Variants in ACYP2 observed in about 807,000 individuals in gnomAD.
The protein encoded by ACYP2 is acylphosphatase-2.
Under a neutral mutation model 11.2 loss-of-function variants are expected in ACYP2, and 12 were observed. The ratio of observed to expected loss-of-function variants is 1.08; its 90% CI spans 0.69 to 1.74. ACYP2 has a LOEUF of 1.74. ACYP2 is among the 40% of genes most tolerant of loss of function. The pLI, the probability that ACYP2 is intolerant of heterozygous loss-of-function variation, is 0.00. For synonymous variants in ACYP2, 43 were observed against 32.2 expected (o/e 1.33, Z -1.13); for missense variants, 134 against 101.9 (o/e 1.31, Z -1.35).
chr2:54,011,419 C>T (rs1673367424), intron 2 of ACYP2, among the ~76,000 whole-genome samples: 1 of 152,144 alleles, frequency 6.6e-6, no homozygotes, highest in Non-Finnish European at 1.5e-5. Context: ...AAAAGTGTCT[C>T]TTGCTTCCAT....
At chr2:54,252,977 G>A (rs192105888) in intron 6 of ACYP2, among the ~76,000 whole-genome samples, 7 of 152,070 alleles carry the variant, frequency 4.6e-5, no homozygotes, top group Non-Finnish European at 7.4e-5. Context: ...CCACTCTTTA[G>A]GCTGAGGCAG....
At position 54,286,942 on chromosome 2, in the gene ACYP2, G is replaced by A. The variant is rs144084345; in HGVS notation, c.405-17746G>A. Among the ~76,000 whole-genome samples, 472 of 152,112 alleles carry A rather than the reference G, an allele frequency of 3.1e-3. 10 individuals carry two copies. Among genetic ancestry groups the A allele is most frequent in the African/African-American group, 0.011 (440 of 41,408 alleles). On this transcript the variant is annotated intron_variant, in intron 6 of 6. Coordinates refer to ENST00000607452, the MANE Select transcript of ACYP2 (RefSeq NM_001320586.2). ...AAAAGCTCCGTAAGTATTTGTGAAT[G>A]AATGACTTAGTAAAGAGTATACTAT...
Position 54,138,694 on chromosome 2 carries a change from G to A in ACYP2, c.350G>A (p.Ser117Asn), listed in dbSNP as rs746773830. 6.2e-7 allele frequency: 1 copy of A among 1,614,102 alleles called. No homozygotes were observed. The highest frequency in any genetic ancestry group is 1.1e-5 in the South Asian group (1 of 91,082). ...GTGGTTGGCTGGGTGAAGAATACCA[G>A]CAAAGGCACCGTGACAGGCCAAGTG... The change falls in exon 6 of 7, where the codon AGC becomes AAC. Residue 117 changes from serine to asparagine, a missense_variant. Transcript: ENST00000607452.
At chr2:54,256,595 A>G (rs1687550400) in intron 6 of ACYP2, among the ~76,000 whole-genome samples, 2 of 152,168 alleles carry the variant, frequency 1.3e-5, no homozygotes, top group African/African-American at 4.8e-5. Flanking sequence ...AGGTATTACA[A>G]ATATTTCTCT....
chr2:54,212,409 C>T (rs1685364165), intron 6 of ACYP2, among the ~76,000 whole-genome samples: 1 of 152,174 alleles, frequency 6.6e-6, no homozygotes, highest in African/African-American at 2.4e-5. Context: ...CCTGGGACCT[C>T]AGCTGTAATC....
At chr2:54,010,312 T>A (rs1673288227) in intron 2 of ACYP2, among the ~76,000 whole-genome samples, 1 of 152,078 alleles carries the variant, frequency 6.6e-6, no homozygotes, top group Non-Finnish European at 1.5e-5. Flanking sequence ...GGTGAAACCC[T>A]GTCTCTACTA....
At chr2:54,001,117 G>T (rs1672772886) in intron 2 of ACYP2, among the ~76,000 whole-genome samples, 1 of 152,136 alleles carries the variant, frequency 6.6e-6, no homozygotes, top group Non-Finnish European at 1.5e-5. Context: ...CCCTTTGGGA[G>T]GCTGAGGCAG....
intron 4 of ACYP2, among the ~76,000 whole-genome samples, chr2:54,128,231 T>C (rs943018316): frequency 6.6e-6 from 1 of 152,180 alleles, no homozygotes; most frequent in Non-Finnish European, 1.5e-5. Flanking sequence ...GATTGGGTGG[T>C]TTAATAAATA....
At chr2:54,201,672 TTC>T (rs1684829266) in intron 6 of ACYP2, among the ~76,000 whole-genome samples, 1 of 112,546 alleles carries the variant, frequency 8.9e-6, no homozygotes, top group African/African-American at 3.4e-5. Context: ...CTTTCTTTCT[TTC>T]TTTCTTTCTC....
rs1671086485 is a variant in ACYP2, at chr2:53,971,286, A to C, written c.-72A>C. ...GGTCGCGCACTCCAAGCGGCAGCCC[A>C]CTGGAGTCCCAGTCGCCACGACAGG... On this transcript the variant is annotated 5_prime_UTR_variant, in exon 1 of 7. Coordinates refer to ENST00000607452, the MANE Select transcript of ACYP2 (RefSeq NM_001320586.2). 6.5e-6 allele frequency: 1 copy of C among 152,960 alleles called. No homozygotes were observed. Among genetic ancestry groups the C allele is most frequent in the African/African-American group, 2.4e-5 (1 of 41,476 alleles). The allele number at this position is 152,960 out of a possible 1,614,324, so 9.5% of individuals were successfully genotyped here. A position where few individuals can be genotyped will look rare whatever the true frequency, so the allele number is the denominator to read the frequency against.
chr2:54,098,725 CCT>C (rs1678727237), intron 4 of ACYP2, among the ~76,000 whole-genome samples: 1 of 113,934 alleles, frequency 8.8e-6, no homozygotes, highest in Non-Finnish European at 1.8e-5. Flanking sequence ...AGACAATGTC[CCT>C]TTTTTTTTTT....
At position 54,013,398 on chromosome 2, in the gene ACYP2, C is replaced by A. The variant is rs919887256; in HGVS notation, c.63-37560C>A. Among the ~76,000 whole-genome samples the A allele has an allele frequency of 5.3e-5, 8 of 151,274 alleles. No individual in the cohort carries two copies. The East Asian group carries it at 1.6e-3, about 30-fold the overall frequency. ...TCACTGCAACCTGTGCCTGCCAGGT[C>A]CAACCGATTCTTCTGCCTCAGCCTC... On this transcript the variant is annotated intron_variant, in intron 2 of 6. Transcript: ENST00000607452.
At chr2:54,279,049 T>C (rs1688734071) in intron 6 of ACYP2, among the ~76,000 whole-genome samples, 1 of 152,196 alleles carries the variant, frequency 6.6e-6, no homozygotes, top group South Asian at 2.1e-4. Flanking sequence ...CTTACCACTT[T>C]TAATGCCACA....
rs1351880 is a variant in ACYP2 at position 54,257,139 on chromosome 2, G to A, written c.405-47549G>A. 8.8e-3 allele frequency among the ~76,000 whole-genome samples: 1,334 copies of A among 152,152 alleles called. 18 individuals are homozygous for A. Among genetic ancestry groups the A allele is most frequent in the Admixed American group, 0.015 (225 of 15,294 alleles). On this transcript the variant is annotated intron_variant, in intron 6 of 6. Transcript: ENST00000607452. ...CTGTAATCCTAGCACTTTGAGAGGC[G>A]GAGACGGGAGGATCAGTTGAGCCTA...
intron 6 of ACYP2, among the ~76,000 whole-genome samples, chr2:54,263,241 A>G (rs1335788136): frequency 1.3e-5 from 2 of 152,142 alleles, no homozygotes; most frequent in Non-Finnish European, 2.9e-5. Flanking sequence ...CAAGAGGAGG[A>G]GAGAGAGGGA....
At chr2:54,290,014 T>A (rs1689231575) in intron 6 of ACYP2, among the ~76,000 whole-genome samples, 1 of 152,030 alleles carries the variant, frequency 6.6e-6, no homozygotes, top group African/African-American at 2.4e-5. Flanking sequence ...CTTCTAGCGG[T>A]TCTTGTGTCG....
chr2:54,115,777 G>A, intron 4 of ACYP2, 21 bp downstream of exon 1: 1 of 1,585,200 alleles, frequency 6.3e-7, no homozygotes, highest in Non-Finnish European at 8.6e-7. Flanking sequence ...CCTCTACGGT[G>A]GGAGATCAAA....
At chr2:54,222,304 C>T (rs559286112) in intron 6 of ACYP2, among the ~76,000 whole-genome samples, 2 of 152,126 alleles carry the variant, frequency 1.3e-5, no homozygotes, top group African/African-American at 4.8e-5. Context: ...AGTCCTAGCA[C>T]TTTGGGAGGC....
intron 2 of ACYP2, among the ~76,000 whole-genome samples, chr2:54,030,055 GC>G (rs1291543993): frequency 6.6e-6 from 1 of 152,160 alleles, no homozygotes; most frequent in African/African-American, 2.4e-5. Context: ...GAGGTTATGA[GC>G]CCAAGACCAG....
Sources: gnomAD v4.1 joint callset for allele counts (sites outside exome capture counted in the v4.1 genomes callset) on GRCh38, gnomAD v4.1.1 for gene constraint, MANE v1.5 for transcripts, NCBI Gene and HGNC (gene_info 2026-07-23, HGNC 2026-07-21) for gene names.